Variants in TRPV3 observed in about 807,000 individuals in gnomAD.
The protein encoded by TRPV3 is transient receptor potential cation channel subfamily V member 3, also known as VRL-3.
In TRPV3, 88 loss-of-function variants were observed where a neutral mutation model predicts 87.1. The observed-to-expected ratio is 1.01, with a 90% CI of 0.85 to 1.21. The LOEUF (loss-of-function observed/expected upper bound fraction) is 1.21, where lower values mean the gene tolerates loss of function less well. TRPV3 is among the 50% of genes most tolerant of loss of function. TRPV3 has a pLI of 0.00. For synonymous variants in TRPV3, 438 were observed against 423.3 expected, an observed-to-expected ratio of 1.03 and a Z score of -0.43; for missense variants, 1,054 against 1,030.1, an observed-to-expected ratio of 1.02 and a Z score of -0.32.
At chr17:3,522,379 G>A (rs1484953645) in intron 13 of TRPV3, among the ~76,000 whole-genome samples, 1 of 152,118 alleles carries the variant, frequency 6.6e-6, no homozygotes. Flanking sequence ...CTATGACCCA[G>A]AAATATTACA....
intron 5 of TRPV3, 28 bp from the exon 6 acceptor site, chr17:3,542,726 C>A (rs755580356): frequency 4.2e-5 from 68 of 1,606,506 alleles, no homozygotes; most frequent in Non-Finnish European, 5.7e-5. Flanking sequence ...GGTGGAGTTA[C>A]AGGAGGGCCC....
Position 3,512,743 on chromosome 17 carries a change from A to T in TRPV3, c.*1174T>A, listed in dbSNP as rs2074130321. ...AACATCAGAGGACGAGGACCTAAAA[A>T]TAAGCTCAAAGTCTTGGCAAATGCT... On this transcript the variant is annotated 3_prime_UTR_variant, in exon 18 of 18. Coordinates refer to ENST00000576742, the MANE Select transcript of TRPV3 (RefSeq NM_145068.4). 6.6e-6 allele frequency: 1 copy of T among 152,108 alleles called. No individual in the cohort carries two copies. The highest frequency in any genetic ancestry group is 1.5e-5 in the Non-Finnish European group (1 of 68,014). The allele number at this position is 152,108 out of a possible 1,614,324, so 9.4% of individuals were successfully genotyped here. A position where few individuals can be genotyped will look rare whatever the true frequency, so the allele number is the denominator to read the frequency against.
intron 8 of TRPV3, among the ~76,000 whole-genome samples, chr17:3,531,021 A>T (rs892457511): frequency 2.6e-5 from 4 of 151,628 alleles, no homozygotes; most frequent in Non-Finnish European, 5.9e-5. Context: ...GCGCCACTGC[A>T]CTCCAGCCTG....
Position 3,516,588 on chromosome 17 carries a change from C to G in TRPV3, c.2086-19G>C, listed in dbSNP as rs1305695331. 1.3e-6 allele frequency: 2 copies of G among 1,593,462 alleles called. No individual in the cohort carries two copies. The highest frequency in any genetic ancestry group is 1.3e-5 in the African/African-American group (1 of 74,618). On this transcript the variant is annotated intron_variant, in intron 15 of 17. Coordinates refer to ENST00000576742, the MANE Select transcript of TRPV3 (RefSeq NM_145068.4). ...TGGCTCTCTGGGGACATAAGCAAGT[C>G]TAAGGAGTAGGCATCCACACTCACA...
Position 3,536,604 on chromosome 17 carries a change from A to C in TRPV3, c.644-891T>G, listed in dbSNP as rs531971513. Reference sequence around the variant, plus strand: ...ACTCCATCTCAAAAAACAAACAAACAAACAAAAAAATGATGAGGCCTGGAC... The same window carrying C: ...ACTCCATCTCAAAAAACAAACAAACCAACAAAAAAATGATGAGGCCTGGAC... On this transcript the variant is annotated intron_variant, in intron 6 of 17. Transcript: ENST00000576742. 3.3e-5 allele frequency among the ~76,000 whole-genome samples: 5 copies of C among 151,462 alleles called. No individual in the cohort carries two copies. In the East Asian group the frequency reaches 7.7e-4, roughly 23 times the overall value.
chr17:3,535,893 A>G (rs185865355), intron 6 of TRPV3, among the ~76,000 whole-genome samples, 180 bp from the exon 7 acceptor site: 12 of 152,326 alleles, frequency 7.9e-5, no homozygotes, highest in African/African-American at 2.2e-4. Flanking sequence ...CGCGGACCCA[A>G]GAAATGTTTG....
In TRPV3 at chr17:3,530,208, G is replaced by C. The variant is rs778105648; in HGVS notation, c.1066-5C>G. 1.2e-6 allele frequency: 2 copies of C among 1,608,638 alleles called. No homozygotes were observed. The highest frequency in any genetic ancestry group is 3.3e-5 in the Admixed American group (2 of 59,740). On this transcript the variant is annotated splice_region_variant and splice_polypyrimidine_tract_variant and intron_variant, in intron 8 of 17. Transcript: ENST00000576742. This position sits in a 1 kb window ranked among gnomAD's most constrained non-coding sequence, Gnocchi z 4.0. ...ACTGAGGATGTACTTCAGGATCTGG[G>C]ACAGGAGGAGGAACAACCATCAGCT...
chr17:3,531,092 C>A (rs1201313728), intron 8 of TRPV3, among the ~76,000 whole-genome samples: 3 of 149,734 alleles, frequency 2.0e-5, no homozygotes, highest in South Asian at 2.1e-4. Context: ...ACAAAAAAAC[C>A]AAAAATTCCC....
intron 16 of TRPV3, 142 bp from the exon 17 acceptor site, chr17:3,514,814 G>A: frequency 1.7e-6 from 1 of 583,682 alleles, no homozygotes; most frequent in Non-Finnish European, 3.0e-6. Context: ...TGACCCGAGG[G>A]GTCACACCAA....
At chr17:3,535,347 C>CCTTCCTTCCTCCCTCATCCTTCCTG (rs1439563109) in intron 7 of TRPV3, among the ~76,000 whole-genome samples, 2 of 127,414 alleles carry the variant, frequency 1.6e-5, no homozygotes, top group African/African-American at 2.8e-5. Flanking sequence ...CTCCCTCCTC[C>CCTTCCTTCCTCCCTCATCCTTCCTG]CTTCCTTCCT....
At chr17:3,519,422 T>TTGGATGGATGGATGGATGGA (rs59693032) in intron 14 of TRPV3, among the ~76,000 whole-genome samples, 17,623 of 110,228 alleles carry the variant, frequency 0.16, 1,770 homozygotes, top group East Asian at 0.36. Flanking sequence ...GGATGGATGA[T>TTGGATGGATGGATGGATGGA]TGGATGGATG....
rs2074208590 is a variant in TRPV3 at position 3,518,966 on chromosome 17, TC to T, written c.1811-117del. 2 of 1,175,540 alleles carry T rather than the reference TC, an allele frequency of 1.7e-6. No homozygotes were observed. The highest frequency in any genetic ancestry group is 5.3e-5 in the Admixed American group (2 of 37,540). The allele number at this position is 1,175,540 out of a possible 1,614,324, so 72.8% of individuals were successfully genotyped here. A position where few individuals can be genotyped will look rare whatever the true frequency, so the allele number is the denominator to read the frequency against. Reference sequence around the variant, plus strand: ...TGCCTCCTTCTCTCTGGCCATTAAATCCCATCTCCAGTTTCAGGTCCTCTCA... The same window carrying T: ...TGCCTCCTTCTCTCTGGCCATTAAATCCATCTCCAGTTTCAGGTCCTCTCA... On this transcript the variant is annotated intron_variant, in intron 14 of 17. Coordinates refer to ENST00000576742, the MANE Select transcript of TRPV3 (RefSeq NM_145068.4). This position sits in a 1 kb window ranked among gnomAD's most constrained non-coding sequence, Gnocchi z 4.3.
At chr17:3,542,898 G>C (rs2074481471) in intron 5 of TRPV3, among the ~76,000 whole-genome samples, 200 bp from the exon 6 acceptor site, 1 of 151,902 alleles carries the variant, frequency 6.6e-6, no homozygotes, top group Non-Finnish European at 1.5e-5. Flanking sequence ...GCTCTCTGTG[G>C]CCCATGGGTG....
chr17:3,514,080 CTTT>C lies in TRPV3; in HGVS notation c.2279-72_2279-70del, dbSNP rs967535489. ...CATAGTGTGTTTCTTTTTTCTTTTT[CTTT>C]TTTTTCTTTTTTGAGATGGAGTTTC... On this transcript the variant is annotated intron_variant, in intron 17 of 17. Coordinates refer to ENST00000576742, the MANE Select transcript of TRPV3 (RefSeq NM_145068.4). 9 of 1,344,192 alleles carry C rather than the reference CTTT, an allele frequency of 6.7e-6. No individual in the cohort carries two copies. The African/African-American group carries it at 1.0e-4, about 16-fold the overall frequency. The allele number at this position is 1,344,192 out of a possible 1,614,324, so 83.3% of individuals were successfully genotyped here.
At chr17:3,545,922 G>A (rs1282346407) in intron 2 of TRPV3, among the ~76,000 whole-genome samples, 1 of 150,914 alleles carries the variant, frequency 6.6e-6, no homozygotes, top group Non-Finnish European at 1.5e-5. Flanking sequence ...CCTGGGAGGT[G>A]GAGGCTGCAG....
In TRPV3 at chr17:3,518,598, C is replaced by G; in HGVS notation, c.2063G>C (p.Ser688Thr). ...CACCTGCAGGCGCCAGATGCGTTCG[C>G]TCTCCTTGGAGACGTTCTCCACAGT... ...GETVENVSKE[S>T]ERIWRLQRAR... Residue 688 changes from serine (S) to threonine (T), a missense_variant, in exon 15 of 18, where the codon AGC becomes ACC. By Grantham distance (58) the Ser-to-Thr change is moderately conservative. Transcript: ENST00000576742. This position sits in a 1 kb window ranked among gnomAD's most constrained non-coding sequence, Gnocchi z 4.3. 6.4e-7 allele frequency: 1 copy of G among 1,561,486 alleles called. No individual in the cohort carries two copies. The highest frequency in any genetic ancestry group is 1.2e-5 in the South Asian group (1 of 84,878).
At chr17:3,554,530 G>A (rs1015736139) in intron 2 of TRPV3, 6 of 505,792 alleles carry the variant, frequency 1.2e-5, no homozygotes, top group Non-Finnish European at 2.1e-5. Flanking sequence ...CAGTCACACT[G>A]ACTACCCCAG....
rs1321000163 is a variant in TRPV3, at chr17:3,528,805, C to A, written c.1401+32G>T. The A allele has an allele frequency of 1.2e-6, 2 of 1,612,986 alleles. No individual in the cohort carries two copies. Among genetic ancestry groups the A allele is most frequent in the Admixed American group, 3.3e-5 (2 of 59,962 alleles). ...CTCCAAGCCCCTCCAGCTCTGACGG[C>A]CCCATTTTCCCCCTCCAAGGGGCCC... On this transcript the variant is annotated intron_variant, in intron 10 of 17. Coordinates refer to ENST00000576742, the MANE Select transcript of TRPV3 (RefSeq NM_145068.4). This position sits in a 1 kb window ranked among gnomAD's most constrained non-coding sequence, Gnocchi z 4.2.
intron 7 of TRPV3, 50 bp from the exon 8 acceptor site, chr17:3,532,987 C>A (rs762496737): frequency 6.3e-7 from 1 of 1,596,806 alleles, no homozygotes; most frequent in East Asian, 2.2e-5. Flanking sequence ...CCGGAAGCAG[C>A]GTCCCCCAAG....
Sources: allele counts gnomAD v4.1 joint callset (sites outside exome capture counted in the v4.1 genomes callset), GRCh38; gene constraint gnomAD v4.1.1; non-coding constraint Gnocchi (gnomAD v3.1); transcripts MANE v1.5; gene names NCBI Gene and HGNC (gene_info 2026-07-23, HGNC 2026-07-21).